The following DCAF7 variants were observed in gnomAD, a reference collection of about 807,000 sequenced individuals.
DCAF7 encodes DDB1 and CUL4 associated factor 7.
In DCAF7, 4 loss-of-function variants were observed where a neutral mutation model predicts 41.2. That is an observed-to-expected ratio of 0.10 (90% confidence interval 0.05 to 0.22). DCAF7 has a LOEUF of 0.22. Ranked by LOEUF, DCAF7 falls within the 10% of genes least tolerant of loss-of-function variation. DCAF7 has a pLI of 1.00. For missense variants in DCAF7, 131 were observed against 443.2 expected (o/e 0.30, Z 6.32); for synonymous variants, 143 against 164.2 (o/e 0.87, Z 0.99).
At chr17:63,587,426 A>G (rs1008410789) in intron 6 of DCAF7, among the ~76,000 whole-genome samples, 5 of 152,074 alleles carry the variant, frequency 3.3e-5, no homozygotes, top group African/African-American at 1.2e-4. Context: ...GGCCCCGTAG[A>G]AGCCCCATTT....
In DCAF7 at chr17:63,580,507, CTTTTTTTTTT is replaced by C. The variant is rs530801174; in HGVS notation, c.528+583_528+592del. 4.5e-3 allele frequency among the ~76,000 whole-genome samples: 198 copies of C among 43,902 alleles called. 1 individual carries two copies. The highest frequency in any genetic ancestry group is 9.6e-3 in the African/African-American group (87 of 9,098). The allele number at this position is 43,902 out of a possible 152,430, so 28.8% of individuals were successfully genotyped here. ...AACTGAGAAGAGCTATTTGTGATTG[CTTTTTTTTTT>C]TTTTTTTTTTTTTTTTTTGAGACAA... On this transcript the variant is annotated intron_variant, in intron 4 of 6. Coordinates refer to ENST00000614556, the MANE Select transcript of DCAF7 (RefSeq NM_005828.5).
intron 1 of DCAF7, among the ~76,000 whole-genome samples, chr17:63,551,900 A>C (rs2033260216): frequency 1.6e-5 from 1 of 64,232 alleles, no homozygotes; most frequent in Non-Finnish European, 3.1e-5. Flanking sequence ...ACAAAAAAAA[A>C]AAAAAAAAAA....
intron 1 of DCAF7, among the ~76,000 whole-genome samples, chr17:63,564,471 C>G (rs910778454): frequency 6.6e-6 from 1 of 152,088 alleles, no homozygotes; most frequent in Admixed American, 6.6e-5. Context: ...TATTAATAAC[C>G]GAACAAGAAC....
At chr17:63,563,684 G>A (rs561982488) in intron 1 of DCAF7, among the ~76,000 whole-genome samples, 1 of 152,176 alleles carries the variant, frequency 6.6e-6, no homozygotes, top group South Asian at 2.1e-4. Flanking sequence ...GCATGGTGGT[G>A]GGCACCTCTA....
rs186955135 is a variant in DCAF7 at position 63,584,052 on chromosome 17, C to T, written c.738+341C>T. On this transcript the variant is annotated intron_variant, in intron 5 of 6. Transcript: ENST00000614556. ...AATTTTTGAAGAGTTGGAGTTAGAG[C>T]CAGGAAAAGCAATATCTAAAGAGTA... Among the ~76,000 whole-genome samples the T allele has an allele frequency of 9.1e-4, 138 of 152,264 alleles. 1 individual carries two copies. Among genetic ancestry groups the T allele is most frequent in the African/African-American group, 3.0e-3 (125 of 41,552 alleles).
chr17:63,585,120 G>A, intron 5 of DCAF7, 91 bp from the exon 6 acceptor site: 2 of 997,156 alleles, frequency 2.0e-6, no homozygotes, highest in Non-Finnish European at 3.1e-6. Flanking sequence ...GAAAAATTAT[G>A]CCTAAAAAGA....
intron 1 of DCAF7, among the ~76,000 whole-genome samples, chr17:63,560,793 A>G (rs1420739008): frequency 6.6e-6 from 1 of 152,246 alleles, no homozygotes; most frequent in Admixed American, 6.5e-5. Context: ...AAAGAGGAAT[A>G]AACAGAAAGG....
Position 63,550,970 on chromosome 17 carries a change from C to T in DCAF7, c.138+155C>T, listed in dbSNP as rs1246926693. Among the ~76,000 whole-genome samples the T allele has an allele frequency of 2.0e-5, 3 of 152,270 alleles. No homozygotes were observed. The East Asian group carries it at 5.8e-4, about 29-fold the overall frequency. On this transcript the variant is annotated intron_variant, in intron 1 of 6. Coordinates refer to ENST00000614556, the MANE Select transcript of DCAF7 (RefSeq NM_005828.5). The surrounding 1 kb of genome is among the most constrained non-coding windows in gnomAD (Gnocchi z 4.8). ...CTGGCCCTGTGCTGAAGGTTTCGTA[C>T]TCGTTGTCTGTCTCCTTTAATCCAG...
intron 1 of DCAF7, among the ~76,000 whole-genome samples, chr17:63,559,397 A>ATATATATATGTATATATATG (rs1568097806): frequency 1.7e-4 from 13 of 76,422 alleles, no homozygotes; most frequent in African/African-American, 7.7e-4. Context: ...GTATATATAT[A>ATATATATATGTATATATATG]TGTATATATA....
At chr17:63,562,231 A>G (rs1478370706) in intron 1 of DCAF7, among the ~76,000 whole-genome samples, 4 of 152,194 alleles carry the variant, frequency 2.6e-5, no homozygotes, top group African/African-American at 9.7e-5. Flanking sequence ...CGTATGGCAC[A>G]GTTGTTCATC....
rs554015890 is a variant in DCAF7, at chr17:63,592,263, G to C, written c.*3091G>C. The stretch of plus-strand genomic sequence containing the variant: ...TAAAAATACAAAAAAAAATTAGCCG[G>C]GGGTGGTGGCGGGTACCTGTAGTCC... On this transcript the variant is annotated 3_prime_UTR_variant, in exon 7 of 7. Transcript: ENST00000614556. 1 of 152,304 alleles carries C rather than the reference G, an allele frequency of 6.6e-6. No homozygotes were observed. The highest frequency in any genetic ancestry group is 1.9e-4 in the East Asian group (1 of 5,182). 9.4% of individuals were successfully genotyped at this position (152,304 alleles called of 1,614,324 possible).
chr17:63,563,255 G>T (rs2033403469), intron 1 of DCAF7, among the ~76,000 whole-genome samples: 1 of 152,212 alleles, frequency 6.6e-6, no homozygotes, highest in Non-Finnish European at 1.5e-5. Context: ...CAGGAAAAAT[G>T]CTGAACCTCA....
At chr17:63,551,873 C>T (rs1215996354) in intron 1 of DCAF7, among the ~76,000 whole-genome samples, 1 of 108,878 alleles carries the variant, frequency 9.2e-6, no homozygotes, top group Non-Finnish European at 1.7e-5. Flanking sequence ...ACGGTGAAAC[C>T]CCGTCTCTAC....
rs529811578 is a variant in DCAF7, at chr17:63,551,891, C to CAAAAAAAAAAAAAAAAAAA, written c.138+1098_138+1116dup. On this transcript the variant is annotated intron_variant, in intron 1 of 6. Coordinates refer to ENST00000614556, the MANE Select transcript of DCAF7 (RefSeq NM_005828.5). ...GTGAAACCCCGTCTCTACTAAAATA[C>CAAAAAAAAAAAAAAAAAAA]AAAAAAAAAAAAAAAAAAAAAAAAA... Among the ~76,000 whole-genome samples the CAAAAAAAAAAAAAAAAAAA allele has an allele frequency of 4.4e-4, 12 of 27,294 alleles. 2 individuals carry two copies. Among genetic ancestry groups the CAAAAAAAAAAAAAAAAAAA allele is most frequent in the Non-Finnish European group, 8.0e-4 (10 of 12,474 alleles). 17.9% of individuals were successfully genotyped at this position (27,294 alleles called of 152,430 possible).
intron 1 of DCAF7, among the ~76,000 whole-genome samples, chr17:63,567,674 C>T (rs990733509): frequency 6.6e-6 from 1 of 152,050 alleles, no homozygotes; most frequent in Non-Finnish European, 1.5e-5. Flanking sequence ...TTTTTTTCCC[C>T]CCTAAGACAA....
At chr17:63,567,862 A>G (rs2033461770) in intron 1 of DCAF7, among the ~76,000 whole-genome samples, 1 of 151,704 alleles carries the variant, frequency 6.6e-6, no homozygotes, top group Non-Finnish European at 1.5e-5. Flanking sequence ...GGATTTTGTC[A>G]TGTTGCCCAG....
At position 63,590,448 on chromosome 17, in the gene DCAF7, A is replaced by T. The variant is rs778039576; in HGVS notation, c.*1276A>T. 3 of 152,812 alleles carry T rather than the reference A, an allele frequency of 2.0e-5. No individual in the cohort carries two copies. The highest frequency in any genetic ancestry group is 4.4e-5 in the Non-Finnish European group (3 of 68,176). The allele number at this position is 152,812 out of a possible 1,614,324, so 9.5% of individuals were successfully genotyped here. A position where few individuals can be genotyped will look rare whatever the true frequency, so the allele number is the denominator to read the frequency against. ...AAAGGAATTATAGACCCCCAGGGTCAGCCAGTTAAGAGCTCTACCCACACC... is the reference window on the plus strand; with the variant it reads ...AAAGGAATTATAGACCCCCAGGGTCTGCCAGTTAAGAGCTCTACCCACACC... On this transcript the variant is annotated 3_prime_UTR_variant, in exon 7 of 7. Transcript: ENST00000614556.
chr17:63,551,309 C>CCG (rs1555680335), intron 1 of DCAF7, among the ~76,000 whole-genome samples: 1 of 146,510 alleles, frequency 6.8e-6, no homozygotes, highest in Non-Finnish European at 1.5e-5. Flanking sequence ...CTACTCCCAC[C>CCG]CCCCCCGGGT....
rs890621300 is a variant in DCAF7, at chr17:63,579,886, G to T, written c.471G>T (p.Gly157=). 1.9e-6 allele frequency: 3 copies of T among 1,613,816 alleles called. No homozygotes were observed. The African/African-American group carries it at 4.0e-5, about 22-fold the overall frequency. ...IWGLETGQVL[G]RVNLVSGHVK... ...GGCTGGAGACAGGGCAGGTGTTAGG[G>T]CGAGTGAATCTCGTGTCTGGCCACG... Residue 157 remains glycine, a synonymous_variant, in exon 4 of 7, where the codon GGG becomes GGT. Transcript: ENST00000614556.
Sources: allele counts gnomAD v4.1 joint callset (sites outside exome capture counted in the v4.1 genomes callset), GRCh38; gene constraint gnomAD v4.1.1; non-coding constraint Gnocchi (gnomAD v3.1); transcripts MANE v1.5; gene names NCBI Gene and HGNC (gene_info 2026-07-23, HGNC 2026-07-21).